Variants in SLC4A4 observed in about 807,000 individuals in gnomAD.
The protein encoded by SLC4A4 is electrogenic sodium bicarbonate cotransporter 1.
A neutral mutation model predicts 111.5 loss-of-function variants in SLC4A4; 27 were observed. The ratio of observed to expected loss-of-function variants is 0.24; its 90% CI spans 0.18 to 0.33. SLC4A4 has a LOEUF of 0.33. Ranked by LOEUF, SLC4A4 falls within the 10% of genes least tolerant of loss-of-function variation. The pLI, the probability that SLC4A4 is intolerant of heterozygous loss-of-function variation, is 1.00. For synonymous variants in SLC4A4, 443 were observed against 463.4 expected (o/e 0.96, Z 0.57); for missense variants, 909 against 1,315.5 (o/e 0.69, Z 4.78).
In SLC4A4 at chr4:71,087,471, T is replaced by C. The variant is rs191081135; in HGVS notation, c.-64-5259T>C. On this transcript the variant is annotated intron_variant, in intron 1 of 26. Transcript: ENST00000649996. ...GCTTTGGAATGTGTTTACTCTTGCT[T>C]CTCTAGTTCTTTTATTTGTGATGTT... 3.1e-4 allele frequency among the ~76,000 whole-genome samples: 47 copies of C among 152,212 alleles called. 1 individual carries two copies. The highest frequency in any genetic ancestry group is 2.4e-3 in the Admixed American group (36 of 15,302).
In SLC4A4 at chr4:71,441,309, A is replaced by G. The variant is rs528979951; in HGVS notation, c.965+536A>G. Among the ~76,000 whole-genome samples the G allele has an allele frequency of 4.6e-5, 7 of 152,234 alleles. No individual in the cohort carries two copies. The South Asian group carries it at 1.5e-3, about 32-fold the overall frequency. ...TATATTAATGTTATTATAATCACGT[A>G]CTCATTTCACTGCATAGTACCTGAG... On this transcript the variant is annotated intron_variant, in intron 8 of 25. Transcript: ENST00000264485.
At chr4:71,473,292 A>G in intron 14 of SLC4A4, 1 of 594,074 alleles carries the variant, frequency 1.7e-6, no homozygotes, top group Non-Finnish European at 3.0e-6. Flanking sequence ...GGATACATGT[A>G]TTAACAGATA....
chr4:71,093,293 G>A (rs372382221), intron 2 of SLC4A4, among the ~76,000 whole-genome samples: 2 of 150,442 alleles, frequency 1.3e-5, no homozygotes, highest in African/African-American at 4.9e-5. Context: ...TCAGCCTCCC[G>A]AGTAGCTGGG....
intron 7 of SLC4A4, among the ~76,000 whole-genome samples, chr4:71,412,205 T>G (rs1015111384): frequency 1.3e-5 from 2 of 152,230 alleles, no homozygotes; most frequent in African/African-American, 2.4e-5. Flanking sequence ...TGAAAAATCC[T>G]ACTTTATTTG....
intron 3 of SLC4A4, among the ~76,000 whole-genome samples, chr4:71,294,706 A>G (rs1724636288): frequency 6.6e-6 from 1 of 152,220 alleles, no homozygotes; most frequent in African/African-American, 2.4e-5. Flanking sequence ...AAAGACAGGG[A>G]CAACCCTTTA....
Position 71,198,173 on chromosome 4 carries a change from T to A in SLC4A4, c.-2+10772T>A, listed in dbSNP as rs549326200. Among the ~76,000 whole-genome samples the A allele has an allele frequency of 1.2e-4, 19 of 152,328 alleles. No individual in the cohort carries two copies. In the South Asian group the frequency reaches 3.5e-3, roughly 28 times the overall value. On this transcript the variant is annotated intron_variant, in intron 1 of 25. Transcript: ENST00000264485. ...TGAGAGAATATCATTGTTCTATACA[T>A]CTCTGTTAGGTGCATGTCATTACCT...
At chr4:71,103,269 A>T (rs1268632768) in intron 2 of SLC4A4, among the ~76,000 whole-genome samples, 1 of 151,810 alleles carries the variant, frequency 6.6e-6, no homozygotes, top group African/African-American at 2.4e-5. Flanking sequence ...AGATTCATAA[A>T]GCAAGTCCTG....
rs559136862 is a variant in SLC4A4 at position 71,514,267 on chromosome 4, C to T, written c.2166+16575C>T. On this transcript the variant is annotated intron_variant, in intron 16 of 25. Transcript: ENST00000264485. Reference sequence around the variant, plus strand: ...GGGAGCAAATTTCCCCCTTGCTGCTCTCATGATAGTGAGTTCTCACAAGAT... The same window carrying T: ...GGGAGCAAATTTCCCCCTTGCTGCTTTCATGATAGTGAGTTCTCACAAGAT... 7.2e-5 allele frequency among the ~76,000 whole-genome samples: 11 copies of T among 152,210 alleles called. No individual in the cohort carries two copies. In the South Asian group the frequency reaches 2.1e-3, roughly 29 times the overall value.
At chr4:71,370,255 A>G (rs2148931928) in intron 6 of SLC4A4, among the ~76,000 whole-genome samples, 1 of 152,318 alleles carries the variant, frequency 6.6e-6, no homozygotes, top group Non-Finnish European at 1.5e-5. Context: ...CTTGAGCTTC[A>G]TCATATGGTA....
At chr4:71,066,747 T>C (rs763143848) in intron 1 of SLC4A4, among the ~76,000 whole-genome samples, 3 of 152,236 alleles carry the variant, frequency 2.0e-5, no homozygotes, top group Non-Finnish European at 2.9e-5. Context: ...ATAGAATCCC[T>C]ACTGAAGAAA....
chr4:71,542,363 A>G (rs182925382), intron 18 of SLC4A4, among the ~76,000 whole-genome samples: 91 of 152,150 alleles, frequency 6.0e-4, no homozygotes, highest in Admixed American at 5.0e-3. Flanking sequence ...ACCACTCCCA[A>G]TATACCGTTT....
chr4:71,321,490 G>A (rs1727117052), intron 3 of SLC4A4, among the ~76,000 whole-genome samples: 1 of 151,616 alleles, frequency 6.6e-6, no homozygotes, highest in African/African-American at 2.4e-5. Flanking sequence ...GTAGACATAT[G>A]TTGCTGGTGT....
chr4:71,464,327 T>C (rs1727119667), intron 12 of SLC4A4, among the ~76,000 whole-genome samples: 1 of 152,176 alleles, frequency 6.6e-6, no homozygotes, highest in African/African-American at 2.4e-5. Flanking sequence ...TCTAAATGTT[T>C]CAGAAATCAA....
intron 1 of SLC4A4, among the ~76,000 whole-genome samples, chr4:71,215,597 G>A (rs1431154222): frequency 2.0e-5 from 3 of 152,194 alleles, no homozygotes; most frequent in African/African-American, 7.2e-5. Context: ...GGGTTTTAGA[G>A]TCAGACAGAT....
chr4:71,126,282 T>C (rs946573103), intron 2 of SLC4A4, among the ~76,000 whole-genome samples: 4 of 152,322 alleles, frequency 2.6e-5, no homozygotes, highest in Middle Eastern at 3.4e-3. Flanking sequence ...AATTCAAATG[T>C]ATTTAAAAAT....
chr4:71,139,510 C>G (rs537144348), intron 2 of SLC4A4, among the ~76,000 whole-genome samples: 13 of 152,110 alleles, frequency 8.5e-5, no homozygotes, highest in South Asian at 4.1e-4. Flanking sequence ...GGAAATACTT[C>G]CGACCCTGTG....
intron 1 of SLC4A4, among the ~76,000 whole-genome samples, chr4:71,218,539 C>A (rs983983158): frequency 6.6e-6 from 1 of 152,260 alleles, no homozygotes; most frequent in Admixed American, 6.5e-5. Context: ...CCATTCAAAT[C>A]CGTACAAATC....
At chr4:71,087,821 C>T (rs1742234081) in intron 1 of SLC4A4, among the ~76,000 whole-genome samples, 1 of 151,954 alleles carries the variant, frequency 6.6e-6, no homozygotes, top group Admixed American at 6.6e-5. Flanking sequence ...TGCTTTACTT[C>T]CAACTATGTG....
chr4:71,191,558 A>G (rs970063043), intron 1 of SLC4A4, among the ~76,000 whole-genome samples: 2 of 152,262 alleles, frequency 1.3e-5, no homozygotes, highest in African/African-American at 4.8e-5. Flanking sequence ...AGCAGAAGAT[A>G]CTAAAGCAGA....
Sources: allele counts gnomAD v4.1 joint callset (sites outside exome capture counted in the v4.1 genomes callset), GRCh38; gene constraint gnomAD v4.1.1; transcripts MANE v1.5; gene names NCBI Gene and HGNC (gene_info 2026-07-23, HGNC 2026-07-21).